Variants in MEIOC observed in about 807,000 individuals in gnomAD.
MEIOC encodes the protein meiosis-specific coiled-coil domain-containing protein MEIOC.
A neutral mutation model predicts 85.3 loss-of-function variants in MEIOC; 9 were observed. The observed-to-expected ratio is 0.11, with a 90% confidence interval of 0.06 to 0.18. The LOEUF is 0.18. Ranked by LOEUF, MEIOC falls within the 10% of genes least tolerant of loss-of-function variation. MEIOC has a pLI of 1.00. For missense variants in MEIOC, 898 were observed against 1,129.4 expected, an observed-to-expected ratio of 0.80 and a Z score of 2.94; for synonymous variants, 365 against 393.7, an observed-to-expected ratio of 0.93 and a Z score of 0.86.
rs372239891 is a variant in MEIOC, at chr17:44,667,055, A to G, written c.1144A>G (p.Met382Val). 18 of 1,613,712 alleles carry G rather than the reference A, an allele frequency of 1.1e-5. No individual in the cohort carries two copies. The African/African-American group carries it at 1.9e-4, about 17-fold the overall frequency. ...FQVKPANQKK[M>V]EETIPDQQNF... is the part of the protein sequence containing the mutation. ...GGTTAAGCCAGCGAATCAGAAAAAA[A>G]TGGAGGAGACAATCCCTGATCAGCA... The change falls in exon 5 of 8, where the codon ATG becomes GTG. Residue 382 changes from methionine (M) to valine (V), a missense_variant. Around this residue, in one of 2 missense-constraint regions of MEIOC, gnomAD observed 734 missense variants for 860.1 expected, o/e 0.85. Coordinates refer to ENST00000409122, the MANE Select transcript of MEIOC (RefSeq NM_001145080.3).
Position 44,675,477 on chromosome 17 carries a change from G to A in MEIOC, c.*1281G>A. ...GACTAGAAACACTGATGTTTTAAATGTTAGTGTTTTTCTTAGTTTTAGAAA... is the reference window on the plus strand; with the variant it reads ...GACTAGAAACACTGATGTTTTAAATATTAGTGTTTTTCTTAGTTTTAGAAA... On this transcript the variant is annotated 3_prime_UTR_variant, in exon 8 of 8. Transcript: ENST00000409122. 1 of 957,180 alleles carries A rather than the reference G, an allele frequency of 1.0e-6. No individual in the cohort carries two copies. The highest frequency in any genetic ancestry group is 1.2e-6 in the Non-Finnish European group (1 of 804,578). The allele number at this position is 957,180 out of a possible 1,614,324, so 59.3% of individuals were successfully genotyped here.
At chr17:44,657,022 C>T in intron 1 of MEIOC, 105 bp from the exon 2 acceptor site, 1 of 1,335,262 alleles carries the variant, frequency 7.5e-7, no homozygotes, top group Non-Finnish European at 1.0e-6. Context: ...TGAGAGGGTT[C>T]GGAATTGAGC....
chr17:44,673,340 A>G, intron 6 of MEIOC, 26 bp from the exon 7 acceptor site: 2 of 1,515,116 alleles, frequency 1.3e-6, no homozygotes, highest in Non-Finnish European at 1.8e-6. Flanking sequence ...GACATGTCTT[A>G]TCAAAATTTA....
intron 2 of MEIOC, among the ~76,000 whole-genome samples, chr17:44,660,565 A>G (rs2144658285): frequency 6.6e-6 from 1 of 152,248 alleles, no homozygotes; most frequent in African/African-American, 2.4e-5. Context: ...TATTTATAAG[A>G]AAATACTATT....
chr17:44,666,419 A>G lies in MEIOC; in HGVS notation c.508A>G (p.Ser170Gly), dbSNP rs1971903949. 1 of 1,553,016 alleles carries G rather than the reference A, an allele frequency of 6.4e-7. No homozygotes were observed. Among genetic ancestry groups the G allele is most frequent in the Non-Finnish European group, 8.7e-7 (1 of 1,147,426 alleles). The change falls in exon 5 of 8, where the codon AGC (serine) becomes GGC (glycine). Residue 170 changes from serine (S) to glycine (G), a missense_variant. Coordinates refer to ENST00000409122, the MANE Select transcript of MEIOC (RefSeq NM_001145080.3). ...AAAGTCAGTTTGGCCAATGAACACAAGCAGATTTGCAGATCACCATGACCT... is the reference window on the plus strand; with the variant it reads ...AAAGTCAGTTTGGCCAATGAACACAGGCAGATTTGCAGATCACCATGACCT... ...NLKSVWPMNT[S>G]RFADHHDLLT...
intron 2 of MEIOC, among the ~76,000 whole-genome samples, chr17:44,660,529 G>A (rs1425956888): frequency 2.0e-5 from 3 of 152,052 alleles, no homozygotes; most frequent in South Asian, 2.1e-4. Context: ...GAGCCACTGC[G>A]CCCGGCCAGA....
chr17:44,663,195 T>A (rs1034215783), intron 3 of MEIOC, among the ~76,000 whole-genome samples: 1 of 152,158 alleles, frequency 6.6e-6, no homozygotes, highest in Non-Finnish European at 1.5e-5. Context: ...AAGGGCCCCC[T>A]GTACATCAGA....
rs1043906285 is a variant in MEIOC at position 44,656,547 on chromosome 17, A to C, written c.-67A>C. ...TGCGGGCTGAGGGAGCCGGGCCTGGACGCCCCCCCCATCACCCCCGTACCC... is the reference window on the plus strand; with the variant it reads ...TGCGGGCTGAGGGAGCCGGGCCTGGCCGCCCCCCCCATCACCCCCGTACCC... On this transcript the variant is annotated 5_prime_UTR_variant, in exon 1 of 8. Coordinates refer to ENST00000409122, the MANE Select transcript of MEIOC (RefSeq NM_001145080.3). 5.1e-5 allele frequency: 63 copies of C among 1,241,866 alleles called. No individual in the cohort carries two copies. The highest frequency in any genetic ancestry group is 6.3e-5 in the Non-Finnish European group (60 of 950,822). The allele number at this position is 1,241,866 out of a possible 1,614,324, so 76.9% of individuals were successfully genotyped here. A position where few individuals can be genotyped will look rare whatever the true frequency, so the allele number is the denominator to read the frequency against.
chr17:44,658,461 T>C (rs922333080), intron 2 of MEIOC, among the ~76,000 whole-genome samples: 5 of 151,110 alleles, frequency 3.3e-5, no homozygotes, highest in Non-Finnish European at 5.9e-5. Flanking sequence ...GGCTACAATC[T>C]TTTAAATACA....
At position 44,667,291 on chromosome 17, in the gene MEIOC, A is replaced by G; in HGVS notation, c.1380A>G (p.Leu460=). The G allele has an allele frequency of 3.1e-6, 5 of 1,613,748 alleles. No homozygotes were observed. The highest frequency in any genetic ancestry group is 4.2e-6 in the Non-Finnish European group (5 of 1,179,778). ...PHSEYFKSVN[L]LSNSATSSGG... ...CTGAGTATTTTAAATCAGTGAATTT[A>G]TTATCAAACTCAGCAACATCTTCAG... Residue 460 remains leucine, a synonymous_variant, in exon 5 of 8, where the codon TTA becomes TTG. Coordinates refer to ENST00000409122, the MANE Select transcript of MEIOC (RefSeq NM_001145080.3).
rs770766699 is a variant in MEIOC at position 44,667,809 on chromosome 17, C to T, written c.1898C>T (p.Thr633Ile). Residue 633 changes from threonine to isoleucine, a missense_variant, in exon 5 of 8, where the codon ACA becomes ATA. Physicochemically the swap from Thr to Ile is moderately conservative, Grantham distance 89 (BLOSUM62 -1). Around this residue, in one of 2 missense-constraint regions of MEIOC, gnomAD observed 734 missense variants for 860.1 expected, o/e 0.85. Transcript: ENST00000409122. ...CATTTAGATGGCTTATCACAAAATACATACCAAGATCTACTGGAGTCACAG... is the reference window on the plus strand; with the variant it reads ...CATTTAGATGGCTTATCACAAAATATATACCAAGATCTACTGGAGTCACAG... ...PKHLDGLSQN[T>I]YQDLLESQGH... The T allele has an allele frequency of 6.2e-7, 1 of 1,613,902 alleles. No homozygotes were observed. The highest frequency in any genetic ancestry group is 8.5e-7 in the Non-Finnish European group (1 of 1,179,842).
intron 1 of MEIOC, 23 bp from the exon 2 acceptor site, chr17:44,657,104 T>C (rs1299518857): frequency 6.5e-7 from 1 of 1,542,132 alleles, no homozygotes; most frequent in Admixed American, 2.0e-5. Context: ...CTTTCTGATA[T>C]TTCCTATTCC....
In MEIOC at chr17:44,667,026, T is replaced by C; in HGVS notation, c.1115T>C (p.Phe372Ser). The C allele has an allele frequency of 6.2e-7, 1 of 1,613,810 alleles. No individual in the cohort carries two copies. Among genetic ancestry groups the C allele is most frequent in the Non-Finnish European group, 8.5e-7 (1 of 1,179,802 alleles). The part of the protein sequence containing the change: ...TVEADTYTKL[F>S]QVKPANQKKM... The stretch of plus-strand genomic sequence containing the variant: ...GAAGCAGACACCTACACAAAGTTAT[T>C]TCAGGTTAAGCCAGCGAATCAGAAA... The change falls in exon 5 of 8, where the codon TTT (phenylalanine) becomes TCT (serine). Residue 372 changes from phenylalanine to serine, a missense_variant. Physicochemically the swap from Phe to Ser is radical, Grantham distance 155 (BLOSUM62 -2). Coordinates refer to ENST00000409122, the MANE Select transcript of MEIOC (RefSeq NM_001145080.3).
rs564547144 is a variant in MEIOC, at chr17:44,667,358, A to C, written c.1447A>C (p.Thr483Pro). 3 of 1,613,916 alleles carry C rather than the reference A, an allele frequency of 1.9e-6. No homozygotes were observed. Among genetic ancestry groups the C allele is most frequent in the East Asian group, 2.2e-5 (1 of 44,880 alleles). Residue 483 changes from threonine (T) to proline (P), a missense_variant, in exon 5 of 8, where the codon ACA (threonine) becomes CCA (proline). Transcript: ENST00000409122. Reference sequence around the variant, plus strand: ...CAGACCAACTTGGATGAATGTTCAAACAAAAAATAACACTCCTATTCCTTA... The same window carrying C: ...CAGACCAACTTGGATGAATGTTCAACCAAAAAATAACACTCCTATTCCTTA... ...LNRPTWMNVQ[T>P]KNNTPIPYRN...
rs1294165364 is a variant in MEIOC at position 44,668,209 on chromosome 17, A to G, written c.2298A>G (p.Arg766=). 4 of 1,599,448 alleles carry G rather than the reference A, an allele frequency of 2.5e-6. No homozygotes were observed. Among genetic ancestry groups the G allele is most frequent in the Non-Finnish European group, 3.4e-6 (4 of 1,175,498 alleles). The change falls in exon 5 of 8, where the codon AGA becomes AGG. Residue 766 remains arginine, a synonymous_variant. Transcript: ENST00000409122. Reference sequence around the variant, plus strand: ...TAGAAGAGTGCTGTGAACAATGGAGAGCATTAGAAAAAGAGAGAAAAAAGG... The same window carrying G: ...TAGAAGAGTGCTGTGAACAATGGAGGGCATTAGAAAAAGAGAGAAAAAAGG... ...IRLEECCEQW[R]ALEKERKKTE...
Position 44,666,977 on chromosome 17 carries a change from G to A in MEIOC, c.1066G>A (p.Gly356Ser), listed in dbSNP as rs1568134082. 6.2e-7 allele frequency: 1 copy of A among 1,613,070 alleles called. No individual in the cohort carries two copies. Among genetic ancestry groups the A allele is most frequent in the Non-Finnish European group, 8.5e-7 (1 of 1,179,414 alleles). Residue 356 changes from glycine (G) to serine (S), a missense_variant, in exon 5 of 8, where the codon GGC becomes AGC. Gly to Ser is a moderately conservative substitution (Grantham distance 56, BLOSUM62 0). Transcript: ENST00000409122. ...SVQDSKKLANGTPETPTVEAD... is the reference protein window; with the variant it reads ...SVQDSKKLANSTPETPTVEAD... ...CCAAGATAGCAAAAAATTAGCCAAT[G>A]GCACACCTGAAACACCAACTGTAGA... is the stretch of plus-strand genomic sequence containing the variant.
At position 44,667,493 on chromosome 17, in the gene MEIOC, A is replaced by C; in HGVS notation, c.1582A>C (p.Asn528His). 1 of 1,613,916 alleles carries C rather than the reference A, an allele frequency of 6.2e-7. No homozygotes were observed. Among genetic ancestry groups the C allele is most frequent in the South Asian group, 1.1e-5 (1 of 91,060 alleles). The stretch of plus-strand genomic sequence containing the variant: ...ACTATCATCCACAAACTTAACCCCA[A>C]ATAGCAATTTATTTCAGAAATATTG... ...PQLSSTNLTP[N>H]SNLFQKYCQE... Residue 528 changes from asparagine (N) to histidine (H), a missense_variant, in exon 5 of 8, where the codon AAT becomes CAT. Around this residue, in one of 2 missense-constraint regions of MEIOC, gnomAD observed 734 missense variants for 860.1 expected, o/e 0.85. Coordinates refer to ENST00000409122, the MANE Select transcript of MEIOC (RefSeq NM_001145080.3).
intron 2 of MEIOC, among the ~76,000 whole-genome samples, chr17:44,660,102 C>T (rs905844683): frequency 3.3e-5 from 5 of 151,942 alleles, no homozygotes; most frequent in African/African-American, 7.3e-5. Context: ...TATCATATAA[C>T]GTTGTATAGT....
chr17:44,666,251 A>G (rs1971901799), intron 4 of MEIOC, 125 bp from the exon 5 acceptor site: 1 of 747,054 alleles, frequency 1.3e-6, no homozygotes, highest in Non-Finnish European at 2.1e-6. Context: ...AGCAGAGTTG[A>G]AAGGGATTAG....
Sources: gnomAD v4.1 joint callset for allele counts (sites outside exome capture counted in the v4.1 genomes callset) on GRCh38, gnomAD v4.1.1 for gene constraint, gnomAD v4.1.1 regional missense constraint, MANE v1.5 for transcripts, NCBI Gene and HGNC (gene_info 2026-07-23, HGNC 2026-07-21) for gene names.